MYO3B: variants seen among roughly 807,000 people sequenced by gnomAD.
MYO3B encodes the protein myosin IIIB, also known as myosin-IIIb.
A neutral mutation model predicts 174.6 loss-of-function variants in MYO3B; 156 were observed. The ratio of observed to expected loss-of-function variants is 0.89; its 90% CI spans 0.78 to 1.02. The LOEUF (loss-of-function observed/expected upper bound fraction) is 1.02, where lower values mean the gene tolerates loss of function less well. Ranked by LOEUF, MYO3B falls within the 50% of genes least tolerant of loss-of-function variation. The probability of loss-of-function intolerance (pLI) is 0.00; values close to 1 mark genes in which losing one functional copy is unlikely to be tolerated. For synonymous variants in MYO3B, 563 were observed against 569.1 expected (o/e 0.99, Z 0.15); for missense variants, 1,632 against 1,639.4 (o/e 1.00, Z 0.08).
In MYO3B at chr2:170,649,822, C is replaced by CAAA. The variant is rs768188491; in HGVS notation, c.3734-1793_3734-1791dup. 4.6e-3 allele frequency: 338 copies of CAAA among 72,928 alleles called. 8 individuals are homozygous for CAAA. The highest frequency in any genetic ancestry group is 0.016 in the African/African-American group (290 of 18,702). 4.5% of individuals were successfully genotyped at this position (72,928 alleles called of 1,614,324 possible). ...AGCCTGGGCAACAGTGAGACTATCTCAAAAAAAAAAAAAAAGGACCATATG... is the reference window on the plus strand; with the variant it reads ...AGCCTGGGCAACAGTGAGACTATCTCAAAAAAAAAAAAAAAAAAGGACCATATG... On this transcript the variant is annotated intron_variant, in intron 32 of 34. Transcript: ENST00000408978.
chr2:170,575,374 A>G (rs80022757), intron 32 of MYO3B, among the ~76,000 whole-genome samples: 1 of 152,180 alleles, frequency 6.6e-6, no homozygotes, highest in Non-Finnish European at 1.5e-5. Flanking sequence ...CAGAGAGTCA[A>G]TAGTTCAGGC....
intron 8 of MYO3B, among the ~76,000 whole-genome samples, chr2:170,365,542 C>T (rs2094192102): frequency 6.6e-6 from 1 of 152,166 alleles, no homozygotes; most frequent in Non-Finnish European, 1.5e-5. Context: ...GCAGGACTTT[C>T]TATCTGCTCT....
chr2:170,217,328 C>G lies in MYO3B; in HGVS notation c.536C>G (p.Ala179Gly), dbSNP rs756992783. Reference sequence around the variant, plus strand: ...TACTCTTTCCTTATAGGTGTTTCAGCTCAACTCACCAGTACACGTCTGCGG... The same window carrying G: ...TACTCTTTCCTTATAGGTGTTTCAGGTCAACTCACCAGTACACGTCTGCGG... ...GVKLVDFGVS[A>G]QLTSTRLRRN... Residue 179 changes from alanine to glycine, a missense_variant, in exon 6 of 35, where the codon GCT (alanine) becomes GGT (glycine). Ala to Gly is a moderately conservative substitution (Grantham distance 60). Transcript: ENST00000408978. 4.3e-6 allele frequency: 7 copies of G among 1,613,992 alleles called. No individual in the cohort carries two copies. In the South Asian group the frequency reaches 7.7e-5, roughly 18 times the overall value.
intron 7 of MYO3B, among the ~76,000 whole-genome samples, chr2:170,314,626 T>G (rs963160330): frequency 1.8e-4 from 28 of 152,204 alleles, no homozygotes; most frequent in African/African-American, 6.0e-4. Flanking sequence ...TGGTGGGAAA[T>G]TCAATTAAAC....
chr2:170,332,298 C>G (rs1297548555), intron 7 of MYO3B: 1 of 152,014 alleles, frequency 6.6e-6, no homozygotes, highest in Non-Finnish European at 1.5e-5. Context: ...GACAAGAAAT[C>G]AAGGCATGTT....
intron 1 of MYO3B, chr2:170,180,092 GC>G (rs2092378841): frequency 5.3e-6 from 2 of 379,280 alleles, no homozygotes; most frequent in African/African-American, 4.2e-5. Flanking sequence ...ATGTTGCTGG[GC>G]AAGTTTCTAT....
Position 170,402,832 on chromosome 2 carries a change from C to G in MYO3B, c.2130-16C>G. The G allele has an allele frequency of 1.3e-6, 2 of 1,586,598 alleles. No homozygotes were observed. Among genetic ancestry groups the G allele is most frequent in the Non-Finnish European group, 1.7e-6 (2 of 1,160,424 alleles). On this transcript the variant is annotated splice_polypyrimidine_tract_variant and intron_variant, in intron 18 of 34. Transcript: ENST00000408978. ...GTTTCCTCCCCTAAAGAGTTTTGTT[C>G]TTCTCTCTCATGCAGTAGTGCAGGA...
At chr2:170,440,834 C>T (rs1441716543) in intron 22 of MYO3B, among the ~76,000 whole-genome samples, 14 of 131,272 alleles carry the variant, frequency 1.1e-4, no homozygotes, top group Admixed American at 1.6e-4. Context: ...GACGGAGTCT[C>T]GCTCTGTCCC....
chr2:170,218,546 A>G (rs1350785908), intron 6 of MYO3B, among the ~76,000 whole-genome samples: 4 of 152,214 alleles, frequency 2.6e-5, no homozygotes, highest in Non-Finnish European at 5.9e-5. Context: ...TTCAGGACAC[A>G]ATAGTATGGG....
chr2:170,381,941 G>A, intron 9 of MYO3B, 75 bp from the exon 10 acceptor site: 2 of 1,199,626 alleles, frequency 1.7e-6, no homozygotes, highest in South Asian at 2.5e-5. Context: ...GATTGTGAAT[G>A]AGCCATGCTT....
chr2:170,413,003 C>G (rs747242953), intron 22 of MYO3B, among the ~76,000 whole-genome samples: 2 of 152,144 alleles, frequency 1.3e-5, no homozygotes, highest in Admixed American at 6.5e-5. Context: ...TAGGTTATTT[C>G]TAGAAGTAAC....
At chr2:170,372,130 A>AAAAAAAAAAAC (rs1475962551) in intron 9 of MYO3B, among the ~76,000 whole-genome samples, 2 of 142,502 alleles carry the variant, frequency 1.4e-5, no homozygotes, top group African/African-American at 5.5e-5. Context: ...AAAAAAAAAA[A>AAAAAAAAAAAC]AAAAAAAAAA....
intron 25 of MYO3B, among the ~76,000 whole-genome samples, chr2:170,467,116 T>C (rs1380267109): frequency 6.6e-6 from 1 of 152,180 alleles, no homozygotes; most frequent in Admixed American, 6.5e-5. Flanking sequence ...ACCTGAAGTA[T>C]CATAAGAGTA....
At chr2:170,242,276 T>G (rs1328114537) in intron 7 of MYO3B, among the ~76,000 whole-genome samples, 1 of 152,214 alleles carries the variant, frequency 6.6e-6, no homozygotes. Flanking sequence ...TTTTAAAATA[T>G]TCCAATAGAA....
intron 30 of MYO3B, chr2:170,524,610 A>G (rs1466976416): frequency 1.1e-5 from 4 of 380,840 alleles, no homozygotes; most frequent in Non-Finnish European, 2.1e-5. Context: ...CAGCCTCCCG[A>G]GTAGCTGGGA....
intron 32 of MYO3B, among the ~76,000 whole-genome samples, chr2:170,638,109 T>TCACACACA (rs58917057): frequency 6.6e-6 from 1 of 150,414 alleles, no homozygotes; most frequent in Non-Finnish European, 1.5e-5. Flanking sequence ...TCTCTCTCTC[T>TCACACACA]CACACACACA....
In MYO3B at chr2:170,263,553, A is replaced by G. The variant is rs1477871116; in HGVS notation, c.749+27417A>G. Among the ~76,000 whole-genome samples the G allele has an allele frequency of 2.0e-5, 3 of 152,072 alleles. No individual in the cohort carries two copies. The East Asian group carries it at 5.8e-4, about 29-fold the overall frequency. Reference sequence around the variant, plus strand: ...GGTCAGCAGGAAAACATGTGAACATATGTCTCTGTGTCATAAACAAGGTTA... The same window carrying G: ...GGTCAGCAGGAAAACATGTGAACATGTGTCTCTGTGTCATAAACAAGGTTA... On this transcript the variant is annotated intron_variant, in intron 7 of 34. Transcript: ENST00000408978.
At chr2:170,642,496 ATC>A (rs1698054904) in intron 32 of MYO3B, among the ~76,000 whole-genome samples, 1 of 152,146 alleles carries the variant, frequency 6.6e-6, no homozygotes, top group African/African-American at 2.4e-5. Flanking sequence ...CCAGGAGAAA[ATC>A]TCTCTTTCTG....
At chr2:170,379,570 T>C (rs1391644102) in intron 9 of MYO3B, among the ~76,000 whole-genome samples, 1 of 152,230 alleles carries the variant, frequency 6.6e-6, no homozygotes, top group Non-Finnish European at 1.5e-5. Flanking sequence ...CGGAAATATG[T>C]ATCCTCCTGC....
Sources: gnomAD v4.1 joint callset for allele counts (sites outside exome capture counted in the v4.1 genomes callset) on GRCh38, gnomAD v4.1.1 for gene constraint, MANE v1.5 for transcripts, NCBI Gene and HGNC (gene_info 2026-07-23, HGNC 2026-07-21) for gene names.